Variants in PDE10A observed in about 807,000 individuals in gnomAD.
PDE10A encodes phosphodiesterase 10A.
In PDE10A, 39 loss-of-function variants were observed where a neutral mutation model predicts 97.7. That is an observed-to-expected ratio of 0.40 (90% CI 0.31 to 0.52). PDE10A has a LOEUF of 0.52. Ranked by LOEUF, PDE10A falls within the 20% of genes least tolerant of loss-of-function variation. The pLI, the probability that PDE10A is intolerant of heterozygous loss-of-function variation, is 0.56. For synonymous variants in PDE10A, 371 were observed against 376.8 expected, an observed-to-expected ratio of 0.98 and a Z score of 0.18; for missense variants, 731 against 1,047.8, an observed-to-expected ratio of 0.70 and a Z score of 4.17.
intron 10 of PDE10A, among the ~76,000 whole-genome samples, chr6:165,427,075 T>C (rs537593131): frequency 6.6e-5 from 10 of 152,140 alleles, no homozygotes; most frequent in African/African-American, 2.2e-4. Flanking sequence ...AAGTGAAACA[T>C]AGAACTACTA....
intron 1 of PDE10A, among the ~76,000 whole-genome samples, chr6:165,557,304 C>A (rs1784305168): frequency 6.6e-6 from 1 of 151,676 alleles, no homozygotes. Flanking sequence ...AAAGAGAGAC[C>A]AAAGAAAGAG....
intron 1 of PDE10A, among the ~76,000 whole-genome samples, chr6:165,974,103 G>A (rs1006003965): frequency 5.3e-5 from 8 of 152,146 alleles, no homozygotes; most frequent in Non-Finnish European, 8.8e-5. Context: ...GATATCACTA[G>A]TAGCTAGAGG....
intron 1 of PDE10A, among the ~76,000 whole-genome samples, chr6:165,757,562 C>A (rs1052055968): frequency 6.6e-6 from 1 of 152,010 alleles, no homozygotes; most frequent in African/African-American, 2.4e-5. Flanking sequence ...TGGGGTACGG[C>A]ATAAGGTATT....
intron 2 of PDE10A, among the ~76,000 whole-genome samples, chr6:165,510,068 C>T (rs1464165016): frequency 2.0e-5 from 3 of 151,946 alleles, no homozygotes; most frequent in Non-Finnish European, 4.4e-5. Flanking sequence ...CCTTTTATTT[C>T]CTTCCCTTGC....
chr6:165,611,830 C>G (rs1333592014), intron 1 of PDE10A, among the ~76,000 whole-genome samples: 3 of 152,226 alleles, frequency 2.0e-5, no homozygotes, highest in African/African-American at 7.2e-5. Context: ...CTCCTTCGTT[C>G]AGAATCAACT....
intron 2 of PDE10A, among the ~76,000 whole-genome samples, chr6:165,521,163 ATTGT>A (rs1238750707): frequency 1.3e-5 from 2 of 152,142 alleles, no homozygotes; most frequent in Non-Finnish European, 2.9e-5. Context: ...TATTACTGTC[ATTGT>A]TTGGAGAGCT....
chr6:165,958,227 CA>C (rs2128497134), intron 1 of PDE10A, among the ~76,000 whole-genome samples: 2 of 152,202 alleles, frequency 1.3e-5, no homozygotes, highest in African/African-American at 4.8e-5. Flanking sequence ...CCTCCACCCA[CA>C]AAAGACAGCA....
At chr6:165,615,220 AAAAGAAAG>A (rs1554296011) in intron 1 of PDE10A, among the ~76,000 whole-genome samples, 1 of 148,440 alleles carries the variant, frequency 6.7e-6, no homozygotes, top group Non-Finnish European at 1.5e-5. Flanking sequence ...AGAAAAAAAA[AAAAGAAAG>A]AAAGAAAGAA....
At chr6:165,905,005 C>A (rs1349635127) in intron 1 of PDE10A, among the ~76,000 whole-genome samples, 1 of 152,064 alleles carries the variant, frequency 6.6e-6, no homozygotes, top group Non-Finnish European at 1.5e-5. Flanking sequence ...TATTTCATGT[C>A]TTTCATTATT....
intron 1 of PDE10A, among the ~76,000 whole-genome samples, chr6:165,906,174 G>A (rs1782281315): frequency 6.8e-6 from 1 of 146,532 alleles, no homozygotes; most frequent in South Asian, 2.2e-4. Context: ...TCTTGGAATA[G>A]TAGACTCCTG....
chr6:165,944,073 G>A (rs1231511994), intron 1 of PDE10A, among the ~76,000 whole-genome samples: 1 of 152,178 alleles, frequency 6.6e-6, no homozygotes. Flanking sequence ...TGGTGAAAGG[G>A]GAAGCAAATG....
intron 1 of PDE10A, among the ~76,000 whole-genome samples, chr6:165,957,982 T>G (rs1009419612): frequency 6.6e-6 from 1 of 152,140 alleles, no homozygotes; most frequent in Non-Finnish European, 1.5e-5. Context: ...CAGTGGGCAG[T>G]GGGTTTGATC....
At chr6:165,772,598 T>G (rs1356857827) in intron 1 of PDE10A, among the ~76,000 whole-genome samples, 1 of 152,216 alleles carries the variant, frequency 6.6e-6, no homozygotes, top group East Asian at 1.9e-4. Context: ...GAGGCCTGCG[T>G]GACCTCCGGG....
At chr6:165,509,858 G>T (rs548710568) in intron 2 of PDE10A, among the ~76,000 whole-genome samples, 2 of 151,862 alleles carry the variant, frequency 1.3e-5, no homozygotes, top group Admixed American at 1.3e-4. Context: ...AATGGGATTG[G>T]CTTCTTGATT....
rs541664472 is a variant in PDE10A, at chr6:165,591,541, C to G, written c.866-47973G>C. ...ACCACAGCTGTATGGAATGGGTCAC[C>G]AGAGATTTGAACCTCCACAAGCATT... On this transcript the variant is annotated intron_variant, in intron 1 of 21. Coordinates refer to ENST00000539869, the MANE Select transcript of PDE10A (RefSeq NM_001385079.1). Among the ~76,000 whole-genome samples the G allele has an allele frequency of 3.3e-5, 5 of 152,336 alleles. No homozygotes were observed. In the East Asian group the frequency reaches 9.6e-4, roughly 29 times the overall value.
chr6:165,562,008 T>G (rs952121491), intron 1 of PDE10A, among the ~76,000 whole-genome samples: 3 of 152,188 alleles, frequency 2.0e-5, no homozygotes, highest in African/African-American at 7.2e-5. Context: ...TGGTAGCTCA[T>G]GCCTGTAATC....
intron 18 of PDE10A, among the ~76,000 whole-genome samples, chr6:165,377,744 C>A (rs1379277509): frequency 6.6e-6 from 1 of 152,066 alleles, no homozygotes; most frequent in African/African-American, 2.4e-5. Flanking sequence ...TAAAAAAAAA[C>A]TGAACAAACA....
intron 1 of PDE10A, among the ~76,000 whole-genome samples, chr6:165,768,756 T>G (rs111724469): frequency 6.6e-6 from 1 of 152,236 alleles, no homozygotes; most frequent in African/African-American, 2.4e-5. Context: ...GCATTTAACT[T>G]TGTAACTCCA....
intron 1 of PDE10A, among the ~76,000 whole-genome samples, chr6:165,822,245 C>T (rs796215784): frequency 2.1e-4 from 24 of 112,980 alleles, no homozygotes; most frequent in Non-Finnish European, 1.9e-5. Flanking sequence ...GCACAGCCCA[C>T]CACACACCTG....
Sources: gnomAD v4.1 joint callset for allele counts (sites outside exome capture counted in the v4.1 genomes callset) on GRCh38, gnomAD v4.1.1 for gene constraint, MANE v1.5 for transcripts, NCBI Gene and HGNC (gene_info 2026-07-23, HGNC 2026-07-21) for gene names.